NAA40: variants seen among roughly 807,000 people sequenced by gnomAD.
NAA40 encodes the protein N-alpha-acetyltransferase 40.
NAA40 carries 26 observed loss-of-function variants against 36.6 expected under a neutral mutation model. That is an observed-to-expected ratio of 0.71 (90% confidence interval 0.52 to 0.98). NAA40 has a LOEUF of 0.98. NAA40 is among the 50% of genes least tolerant of loss of function. The probability of loss-of-function intolerance (pLI) is 0.00; values close to 1 mark genes in which losing one functional copy is unlikely to be tolerated. For synonymous variants in NAA40, 129 were observed against 108.4 expected, an observed-to-expected ratio of 1.19 and a Z score of -1.18; for missense variants, 237 against 306.5, an observed-to-expected ratio of 0.77 and a Z score of 1.69.
At chr11:63,942,298 G>T (rs1329766172) in intron 1 of NAA40, among the ~76,000 whole-genome samples, 1 of 152,214 alleles carries the variant, frequency 6.6e-6, no homozygotes, top group African/African-American at 2.4e-5. Context: ...ATGCTGGGTT[G>T]TGAAAAGTAA....
chr11:63,952,784 C>T lies in NAA40; in HGVS notation c.439C>T (p.Arg147Trp), dbSNP rs536599515. 1.7e-5 allele frequency: 28 copies of T among 1,614,108 alleles called. No homozygotes were observed. The highest frequency in any genetic ancestry group is 5.3e-5 in the African/African-American group (4 of 75,038). ...TGAAGTGCAGTTGGAAAGCAAGGTG[C>T]GGCGGAAAGGCCTGGGGAAGTTCCT... ...CYEVQLESKV[R>W]RKGLGKFLIQ... The change falls in exon 6 of 8, where the codon CGG becomes TGG. Residue 147 changes from arginine (R) to tryptophan (W), a missense_variant. Physicochemically the swap from Arg to Trp is moderately radical, Grantham distance 101. Transcript: ENST00000377793.
chr11:63,946,761 A>C (rs748119661), intron 2 of NAA40, 190 bp from the exon 3 acceptor site: 1 of 1,534,260 alleles, frequency 6.5e-7, no homozygotes, highest in East Asian at 2.5e-5. Flanking sequence ...CCTTTCCACC[A>C]AAGCCTTCCT....
chr11:63,939,859 G>T (rs923547198), intron 1 of NAA40, among the ~76,000 whole-genome samples: 1 of 152,118 alleles, frequency 6.6e-6, no homozygotes, highest in Non-Finnish European at 1.5e-5. Context: ...GCCGCGGATG[G>T]ATATTGACCA....
At chr11:63,939,834 G>A (rs1384043011) in intron 1 of NAA40, among the ~76,000 whole-genome samples, 4 of 152,110 alleles carry the variant, frequency 2.6e-5, no homozygotes, top group African/African-American at 9.7e-5. Context: ...GCGGGGAGGC[G>A]GGGGCGGCGG....
At position 63,954,863 on chromosome 11, in the gene NAA40, C is replaced by T. The variant is rs1442891639; in HGVS notation, c.*384C>T. The T allele has an allele frequency of 1.8e-5, 3 of 163,252 alleles. No individual in the cohort carries two copies. Among genetic ancestry groups the T allele is most frequent in the African/African-American group, 4.8e-5 (2 of 41,890 alleles). 10.1% of individuals were successfully genotyped at this position (163,252 alleles called of 1,614,324 possible). A position where few individuals can be genotyped will look rare whatever the true frequency, so the allele number is the denominator to read the frequency against. ...CTTGGACAAATGGAATGTTTATGTCCACCTTTATGAAAGTTCTGGAGTCCT... is the reference window on the plus strand; with the variant it reads ...CTTGGACAAATGGAATGTTTATGTCTACCTTTATGAAAGTTCTGGAGTCCT... On this transcript the variant is annotated 3_prime_UTR_variant, in exon 8 of 8. Transcript: ENST00000377793.
At chr11:63,941,696 G>A (rs185160153) in intron 1 of NAA40, among the ~76,000 whole-genome samples, 1 of 152,216 alleles carries the variant, frequency 6.6e-6, no homozygotes, top group East Asian at 1.9e-4. Flanking sequence ...GGAATTACAG[G>A]TATTAACCAT....
Position 63,953,994 on chromosome 11 carries a change from T to C in NAA40, c.517T>C (p.Leu173=), listed in dbSNP as rs1942322694. The C allele has an allele frequency of 6.2e-7, 1 of 1,614,008 alleles. No individual in the cohort carries two copies. Among genetic ancestry groups the C allele is most frequent in the African/African-American group, 1.3e-5 (1 of 74,938 alleles). The change falls in exon 7 of 8, where the codon TTA becomes CTA. Residue 173 remains leucine (L), a synonymous_variant. Transcript: ENST00000377793. ...ANSTQMKKVM[L]TVFKHNHGAY... is the part of the protein sequence containing the mutation. ...CAGCACACAGATGAAGAAGGTTATG[T>C]TAACAGTATTTAAACACAATCATGG...
At chr11:63,954,150 T>C (rs999774144) in intron 7 of NAA40, 101 bp downstream of exon 7, 2 of 1,387,758 alleles carry the variant, frequency 1.4e-6, no homozygotes, top group African/African-American at 2.9e-5. Context: ...GAGCTCATGG[T>C]CCAGTGGTCC....
intron 3 of NAA40, chr11:63,952,032 G>A: frequency 1.9e-6 from 1 of 539,124 alleles, no homozygotes; most frequent in East Asian, 2.9e-5. Flanking sequence ...GTTGGGGGGT[G>A]GGCCGTGTGG....
chr11:63,955,241 T>C lies in NAA40; in HGVS notation c.*762T>C, dbSNP rs931486766. 1 of 152,600 alleles carries C rather than the reference T, an allele frequency of 6.6e-6. No individual in the cohort carries two copies. The highest frequency in any genetic ancestry group is 1.5e-5 in the Non-Finnish European group (1 of 68,040). 9.5% of individuals were successfully genotyped at this position (152,600 alleles called of 1,614,324 possible). On this transcript the variant is annotated 3_prime_UTR_variant, in exon 8 of 8. Coordinates refer to ENST00000377793, the MANE Select transcript of NAA40 (RefSeq NM_024771.4). ...CTGCATTCTAAGCTTAACCTCCTGG[T>C]CTCATGGCAGTGACTTGAGCTTTTG...
At position 63,946,937 on chromosome 11, in the gene NAA40, C is replaced by A; in HGVS notation, c.103-14C>A. 1 of 1,614,048 alleles carries A rather than the reference C, an allele frequency of 6.2e-7. No homozygotes were observed. The highest frequency in any genetic ancestry group is 8.5e-7 in the Non-Finnish European group (1 of 1,179,916). ...CACTTGTCTGTGCTGTTCCTCTTTT[C>A]TTTCCCTCCACAGCTTGGAGACCCT... On this transcript the variant is annotated splice_polypyrimidine_tract_variant and intron_variant, in intron 2 of 7. Coordinates refer to ENST00000377793, the MANE Select transcript of NAA40 (RefSeq NM_024771.4).
chr11:63,950,805 T>C (rs1400675402), intron 3 of NAA40, among the ~76,000 whole-genome samples: 1 of 152,192 alleles, frequency 6.6e-6, no homozygotes, highest in Non-Finnish European at 1.5e-5. Context: ...CTTCCAGAAA[T>C]GTGGAATAGC....
intron 1 of NAA40, chr11:63,939,305 C>T (rs117164872): frequency 0.023 from 28,811 of 1,260,750 alleles, 408 homozygotes; most frequent in Middle Eastern, 0.028. Flanking sequence ...GCCCCTGGTC[C>T]GGGGCCCCAC....
At chr11:63,942,767 T>C (rs1942128295) in intron 1 of NAA40, among the ~76,000 whole-genome samples, 1 of 152,252 alleles carries the variant, frequency 6.6e-6, no homozygotes, top group African/African-American at 2.4e-5. Flanking sequence ...GGCTGCACCC[T>C]GCCTTCTGCC....
At chr11:63,945,337 G>A (rs1036038579) in intron 1 of NAA40, among the ~76,000 whole-genome samples, 9 of 152,114 alleles carry the variant, frequency 5.9e-5, no homozygotes, top group African/African-American at 1.9e-4. Context: ...AATGAGACCC[G>A]GCTCCCACAG....
chr11:63,952,760 G>C lies in NAA40; in HGVS notation c.415G>C (p.Glu139Gln). 1 of 1,614,168 alleles carries C rather than the reference G, an allele frequency of 6.2e-7. No homozygotes were observed. The highest frequency in any genetic ancestry group is 1.1e-5 in the South Asian group (1 of 91,066). ...ECGDEVLYCY[E>Q]VQLESKVRRK... ...CTCTCTGCTTTCTTCACCTAGCTAT[G>C]AAGTGCAGTTGGAAAGCAAGGTGCG... The change falls in exon 6 of 8, where the codon GAA becomes CAA. Residue 139 changes from glutamate to glutamine, a missense_variant. Glu to Gln is a conservative substitution (Grantham distance 29). Transcript: ENST00000377793.
At chr11:63,946,410 G>A in intron 2 of NAA40, 1 of 484,922 alleles carries the variant, frequency 2.1e-6, no homozygotes, top group Non-Finnish European at 2.9e-6. Flanking sequence ...TGGCCTTGTT[G>A]CCCAGGATGG....
At chr11:63,947,328 A>AC (rs1402482695) in intron 3 of NAA40, among the ~76,000 whole-genome samples, 6 of 151,766 alleles carry the variant, frequency 4.0e-5, no homozygotes, top group African/African-American at 1.2e-4. Context: ...AATCACTTGA[A>AC]CCCGGGGGGC....
At chr11:63,952,962 G>A in intron 6 of NAA40, 123 bp downstream of exon 6, 2 of 753,696 alleles carry the variant, frequency 2.7e-6, no homozygotes, top group Non-Finnish European at 4.4e-6. Flanking sequence ...TGGGAGAAAG[G>A]TGTCTTAGAA....
Sources: gnomAD v4.1 joint callset for allele counts (sites outside exome capture counted in the v4.1 genomes callset) on GRCh38, gnomAD v4.1.1 for gene constraint, MANE v1.5 for transcripts, NCBI Gene and HGNC (gene_info 2026-07-23, HGNC 2026-07-21) for gene names.